Variants in RAB3GAP1 observed in about 807,000 individuals in gnomAD.
RAB3GAP1 encodes rab3 GTPase-activating protein catalytic subunit.
In RAB3GAP1, 86 loss-of-function variants were observed where a neutral mutation model predicts 130.7. The ratio of observed to expected loss-of-function variants is 0.66; its 90% CI spans 0.55 to 0.79. RAB3GAP1 has a LOEUF of 0.79. Among genes scored for constraint, RAB3GAP1 ranks in the 30% least tolerant of loss-of-function variants. The pLI is 0.00. For synonymous variants in RAB3GAP1, 367 were observed against 401.7 expected, an observed-to-expected ratio of 0.91 and a Z score of 1.03; for missense variants, 1,029 against 1,169.4, an observed-to-expected ratio of 0.88 and a Z score of 1.75.
At chr2:135,165,123 G>C (rs1382182620) in intron 23 of RAB3GAP1, 1 of 455,678 alleles carries the variant, frequency 2.2e-6, no homozygotes, top group Non-Finnish European at 4.4e-6. Flanking sequence ...AATTGTTCTT[G>C]TAATGGTGAG....
chr2:135,140,614 A>G (rs561191501), intron 17 of RAB3GAP1, among the ~76,000 whole-genome samples: 67 of 152,348 alleles, frequency 4.4e-4, no homozygotes, highest in African/African-American at 1.6e-3. Flanking sequence ...TCCTGTTGCA[A>G]CAAATTGTGA....
intron 13 of RAB3GAP1, among the ~76,000 whole-genome samples, chr2:135,131,112 T>A (rs1388297065): frequency 6.6e-6 from 1 of 152,260 alleles, no homozygotes; most frequent in East Asian, 1.9e-4. Flanking sequence ...TCCCAGACCA[T>A]GACCAGGGTT....
At chr2:135,097,033 G>T (rs1019623667) in intron 5 of RAB3GAP1, among the ~76,000 whole-genome samples, 1 of 151,840 alleles carries the variant, frequency 6.6e-6, no homozygotes, top group Non-Finnish European at 1.5e-5. Context: ...TAAAATCAAC[G>T]TAGTAAAATT....
chr2:135,135,422 T>C, intron 16 of RAB3GAP1, 103 bp downstream of exon 16: 1 of 1,436,120 alleles, frequency 7.0e-7, no homozygotes, highest in Non-Finnish European at 9.7e-7. Context: ...ATGGTGCTGC[T>C]GTAGGTTGCC....
rs7593626 is a variant in RAB3GAP1, at chr2:135,152,077, T to C, written c.2061+1571T>C. Among the ~76,000 whole-genome samples, 1,496 of 152,368 alleles carry C rather than the reference T, an allele frequency of 9.8e-3. 23 individuals are homozygous for C. Among genetic ancestry groups the C allele is most frequent in the African/African-American group, 0.034 (1,424 of 41,586 alleles). ...GTAATTTAAATAGTCAACTTACATA[T>C]ACACCCATATGTAGAAATCAGATAA... On this transcript the variant is annotated intron_variant, in intron 18 of 23. Coordinates refer to ENST00000264158, the MANE Select transcript of RAB3GAP1 (RefSeq NM_012233.3).
chr2:135,071,532 T>TAA (rs60734828), intron 3 of RAB3GAP1, among the ~76,000 whole-genome samples: 19,748 of 141,244 alleles, frequency 0.14, 2,384 homozygotes, highest in African/African-American at 0.34. Flanking sequence ...AGTCGTAGGT[T>TAA]AAAAAAAAAA....
At chr2:135,130,770 C>A in intron 13 of RAB3GAP1, 49 bp downstream of exon 13, 1 of 1,519,908 alleles carries the variant, frequency 6.6e-7, no homozygotes, top group South Asian at 1.1e-5. Context: ...ATCATTTATT[C>A]ATTATATAGC....
intron 5 of RAB3GAP1, among the ~76,000 whole-genome samples, chr2:135,093,955 G>A (rs1267915445): frequency 1.3e-5 from 2 of 152,158 alleles, no homozygotes; most frequent in Non-Finnish European, 2.9e-5. Context: ...GCAACAAATT[G>A]TGACAAAGTA....
intron 3 of RAB3GAP1, among the ~76,000 whole-genome samples, chr2:135,063,732 A>T (rs890693556): frequency 2.0e-5 from 3 of 152,202 alleles, no homozygotes; most frequent in African/African-American, 7.2e-5. Flanking sequence ...GTTGATGGAC[A>T]CTTGGGTCGC....
At chr2:135,094,676 TC>T (rs1690241334) in intron 5 of RAB3GAP1, among the ~76,000 whole-genome samples, 1 of 152,162 alleles carries the variant, frequency 6.6e-6, no homozygotes, top group South Asian at 2.1e-4. Flanking sequence ...GCTTCCCACT[TC>T]TAACCCATGT....
At chr2:135,075,669 G>C (rs913304520) in intron 3 of RAB3GAP1, among the ~76,000 whole-genome samples, 1 of 130,202 alleles carries the variant, frequency 7.7e-6, no homozygotes, top group Non-Finnish European at 1.6e-5. Flanking sequence ...TTTTATATTT[G>C]CCTTTTTTTG....
intron 3 of RAB3GAP1, among the ~76,000 whole-genome samples, chr2:135,083,381 A>G (rs1434112060): frequency 6.6e-6 from 1 of 152,186 alleles, no homozygotes; most frequent in Non-Finnish European, 1.5e-5. Flanking sequence ...TTGAGGACCT[A>G]TCAGACTGTT....
chr2:135,134,846 T>C (rs965000801), intron 15 of RAB3GAP1, among the ~76,000 whole-genome samples: 7 of 152,172 alleles, frequency 4.6e-5, no homozygotes, highest in Non-Finnish European at 7.4e-5. Context: ...CCTATTGAAA[T>C]ACAGGTGGAG....
intron 17 of RAB3GAP1, among the ~76,000 whole-genome samples, chr2:135,138,139 A>G (rs766168373): frequency 1.3e-5 from 2 of 151,712 alleles, no homozygotes; most frequent in African/African-American, 2.4e-5. Context: ...AAAACATTCT[A>G]TTGTGAAAAT....
rs1359303090 is a variant in RAB3GAP1, at chr2:135,070,961, T to C, written c.150+12875T>C. Among the ~76,000 whole-genome samples, 3 of 152,210 alleles carry C rather than the reference T, an allele frequency of 2.0e-5. No individual in the cohort carries two copies. The East Asian group carries it at 5.8e-4, about 29-fold the overall frequency. ...TTAAATAAAAGCTAACGTTTAAAAA[T>C]ATTTTGGTATATATTCATTATTTTA... On this transcript the variant is annotated intron_variant, in intron 3 of 23. Coordinates refer to ENST00000264158, the MANE Select transcript of RAB3GAP1 (RefSeq NM_012233.3).
rs143010678 is a variant in RAB3GAP1, at chr2:135,132,926, C to G, written c.1268C>G (p.Pro423Arg). Residue 423 changes from proline (P) to arginine (R), a missense_variant, in exon 14 of 24, where the codon CCA becomes CGA. By Grantham distance (103) the Pro-to-Arg change is moderately radical (BLOSUM62 -2). This residue lies in a region of RAB3GAP1 where 510 missense variants were observed against 532.1 expected (regional missense o/e 0.96). Coordinates refer to ENST00000264158, the MANE Select transcript of RAB3GAP1 (RefSeq NM_012233.3). ...FLFPDAVSEK[P>R]LDGTTSTDNN... ...TTCCCTGATGCTGTTTCTGAGAAAC[C>G]ATTAGATGGAACTACTTCAACAGAT... 3.3e-4 allele frequency: 528 copies of G among 1,583,090 alleles called. 3 individuals are homozygous for G. The highest frequency in any genetic ancestry group is 3.1e-3 in the South Asian group (277 of 90,416).
rs1017222947 is a variant in RAB3GAP1, at chr2:135,170,008, ATG to A, written c.*1240_*1241del. On this transcript the variant is annotated 3_prime_UTR_variant, in exon 24 of 24. Coordinates refer to ENST00000264158, the MANE Select transcript of RAB3GAP1 (RefSeq NM_012233.3). The stretch of plus-strand genomic sequence containing the variant: ...AAAAAAATACATATCTATATATAAT[ATG>A]TGTGTGTGTGTGACATATGCACACG... 9.2e-4 allele frequency: 229 copies of A among 249,638 alleles called. No homozygotes were observed. Among genetic ancestry groups the A allele is most frequent in the South Asian group, 1.8e-3 (40 of 22,212 alleles). 15.5% of individuals were successfully genotyped at this position (249,638 alleles called of 1,614,324 possible).
intron 17 of RAB3GAP1, 152 bp from the exon 18 acceptor site, chr2:135,150,217 G>T: frequency 1.1e-6 from 1 of 885,102 alleles, no homozygotes; most frequent in Non-Finnish European, 1.7e-6. Context: ...TTTTATGTAA[G>T]TTCTAAAAAA....
rs747241604 is a variant in RAB3GAP1 at position 135,093,686 on chromosome 2, G to T, written c.355G>T (p.Val119Leu). The change falls in exon 5 of 24, where the codon GTA (valine) becomes TTA (leucine). Residue 119 changes from valine to leucine, a missense_variant. This residue lies in a region of RAB3GAP1 where 510 missense variants were observed against 532.1 expected (regional missense o/e 0.96). Transcript: ENST00000264158. The part of the protein sequence containing the change: ...NDFPPRAHCL[V>L]RWYGLREFVV... Reference sequence around the variant, plus strand: ...CTTTCCTCCAAGAGCACATTGCCTGGTAAGATGGTAGGTATATCTTTTACT... The same window carrying T: ...CTTTCCTCCAAGAGCACATTGCCTGTTAAGATGGTAGGTATATCTTTTACT... 2 of 1,609,440 alleles carry T rather than the reference G, an allele frequency of 1.2e-6. No homozygotes were observed. The highest frequency in any genetic ancestry group is 3.3e-5 in the Admixed American group (2 of 60,000).
Sources: allele counts gnomAD v4.1 joint callset (sites outside exome capture counted in the v4.1 genomes callset), GRCh38; gene constraint gnomAD v4.1.1; regional missense constraint gnomAD v4.1.1; transcripts MANE v1.5; gene names NCBI Gene and HGNC (gene_info 2026-07-23, HGNC 2026-07-21).